The following CHN2 variants were observed in gnomAD, a reference collection of about 807,000 sequenced individuals.
CHN2 encodes the protein beta-chimaerin.
Under a neutral mutation model 56.3 loss-of-function variants are expected in CHN2, and 35 were observed. That is an observed-to-expected ratio of 0.62 (90% confidence interval 0.47 to 0.82). CHN2 has a LOEUF of 0.82. Ranked by LOEUF, CHN2 falls within the 40% of genes least tolerant of loss-of-function variation. CHN2 has a pLI of 0.00. For missense variants in CHN2, 491 were observed against 580.5 expected, an observed-to-expected ratio of 0.85 and a Z score of 1.58; for synonymous variants, 210 against 212.8, an observed-to-expected ratio of 0.99 and a Z score of 0.12.
At chr7:29,425,928 G>C (rs184656125) in intron 6 of CHN2, among the ~76,000 whole-genome samples, 1 of 152,014 alleles carries the variant, frequency 6.6e-6, no homozygotes, top group African/African-American at 2.4e-5. Flanking sequence ...AGTGGACTGT[G>C]GGCCGGGTGT....
chr7:29,441,891 A>G (rs893685903), intron 6 of CHN2, among the ~76,000 whole-genome samples: 6 of 152,188 alleles, frequency 3.9e-5, no homozygotes, highest in African/African-American at 1.4e-4. Flanking sequence ...ACAAATTTAA[A>G]AGTAGAATAC....
chr7:29,275,442 G>A (rs1479039012), intron 1 of CHN2, among the ~76,000 whole-genome samples: 1 of 152,162 alleles, frequency 6.6e-6, no homozygotes, highest in Non-Finnish European at 1.5e-5. Flanking sequence ...GTACCTGAGT[G>A]TTTTCCCACA....
intron 12 of CHN2, 140 bp downstream of exon 12, chr7:29,509,546 T>C (rs1791027850): frequency 1.6e-6 from 1 of 627,130 alleles, no homozygotes; most frequent in African/African-American, 1.8e-5. Flanking sequence ...TTTCAGTGTA[T>C]CATCCCTATG....
At chr7:29,369,120 T>A (rs1169391397) in intron 3 of CHN2, among the ~76,000 whole-genome samples, 1 of 152,214 alleles carries the variant, frequency 6.6e-6, no homozygotes, top group South Asian at 2.1e-4. Flanking sequence ...TAGGTAAATA[T>A]AAATTTTTGA....
chr7:29,440,560 A>G (rs1783561712), intron 6 of CHN2, among the ~76,000 whole-genome samples: 1 of 151,946 alleles, frequency 6.6e-6, no homozygotes, highest in South Asian at 2.1e-4. Flanking sequence ...GCGTGGTGGC[A>G]CATGCCTGTA....
At chr7:29,164,389 A>G (rs552570307) in intron 2 of CHN2, among the ~76,000 whole-genome samples, 20 of 152,118 alleles carry the variant, frequency 1.3e-4, no homozygotes, top group African/African-American at 4.8e-4. Flanking sequence ...TAAAATGCAA[A>G]CCCTTCATAA....
At chr7:29,166,816 A>G (rs997417567) in intron 2 of CHN2, among the ~76,000 whole-genome samples, 2 of 152,010 alleles carry the variant, frequency 1.3e-5, no homozygotes, top group African/African-American at 4.8e-5. Flanking sequence ...TTTTATTCCA[A>G]TGATATTCTC....
At chr7:29,448,389 C>T (rs1454789175) in intron 6 of CHN2, among the ~76,000 whole-genome samples, 1 of 152,080 alleles carries the variant, frequency 6.6e-6, no homozygotes, top group Non-Finnish European at 1.5e-5. Flanking sequence ...CTGAAGACTT[C>T]TAAACTCCAC....
intron 1 of CHN2, among the ~76,000 whole-genome samples, chr7:29,277,154 C>T (rs1420535098): frequency 6.6e-6 from 1 of 152,182 alleles, no homozygotes; most frequent in Non-Finnish European, 1.5e-5. Flanking sequence ...CTGTGAAATG[C>T]AGGGACCCTC....
At chr7:29,425,948 C>A (rs554105744) in intron 6 of CHN2, among the ~76,000 whole-genome samples, 1 of 152,094 alleles carries the variant, frequency 6.6e-6, no homozygotes, top group African/African-American at 2.4e-5. Context: ...TGGTAGCTTA[C>A]ACCTGTAATC....
At chr7:29,398,602 T>C in intron 5 of CHN2, 116 bp downstream of exon 5, 1 of 677,546 alleles carries the variant, frequency 1.5e-6, no homozygotes, top group South Asian at 1.8e-5. Context: ...ATTTTTCCCA[T>C]GTTTATGTTA....
chr7:29,451,827 A>G (rs745357810), intron 6 of CHN2, among the ~76,000 whole-genome samples: 6 of 152,178 alleles, frequency 3.9e-5, no homozygotes, highest in African/African-American at 1.2e-4. Context: ...GCCCAAACCC[A>G]GAGCTTGTGT....
At chr7:29,221,407 A>G (rs1785781140) in intron 1 of CHN2, among the ~76,000 whole-genome samples, 1 of 152,224 alleles carries the variant, frequency 6.6e-6, no homozygotes, top group Non-Finnish European at 1.5e-5. Context: ...ATTTTAAACC[A>G]TAATTTATAG....
chr7:29,357,394 C>T (rs895453498), intron 2 of CHN2, among the ~76,000 whole-genome samples: 2 of 152,170 alleles, frequency 1.3e-5, no homozygotes, highest in African/African-American at 4.8e-5. Flanking sequence ...CTCTTTTGGT[C>T]ATCCTGGATC....
intron 7 of CHN2, among the ~76,000 whole-genome samples, chr7:29,490,762 C>T (rs866386114): frequency 1.3e-5 from 2 of 152,196 alleles, no homozygotes; most frequent in East Asian, 3.9e-4. Flanking sequence ...GGCTTTGGCT[C>T]TCTATTTGAA....
At chr7:29,225,837 G>T in intron 1 of CHN2, among the ~76,000 whole-genome samples, 1 of 152,140 alleles carries the variant, frequency 6.6e-6, no homozygotes, top group Admixed American at 6.5e-5. Flanking sequence ...GTTAGTCACT[G>T]AGCATTACTG....
chr7:29,363,850 A>G (rs1377840755), intron 2 of CHN2, among the ~76,000 whole-genome samples: 1 of 152,130 alleles, frequency 6.6e-6, no homozygotes, highest in African/African-American at 2.4e-5. Flanking sequence ...AAGGAACAGT[A>G]ACTGCAAAAG....
chr7:29,289,615 A>G (rs1792427373), intron 1 of CHN2, among the ~76,000 whole-genome samples: 5 of 152,174 alleles, frequency 3.3e-5, no homozygotes, highest in Admixed American at 6.5e-5. Flanking sequence ...TGGAACAAGC[A>G]TTATCCTGCG....
At chr7:29,401,129 G>A in intron 6 of CHN2, 1 of 307,584 alleles carries the variant, frequency 3.3e-6, no homozygotes, top group Non-Finnish European at 6.1e-6. Flanking sequence ...TCAGCCGGGT[G>A]TGGTGGTGGG....
Sources: gnomAD v4.1 joint callset for allele counts (sites outside exome capture counted in the v4.1 genomes callset) on GRCh38, gnomAD v4.1.1 for gene constraint, MANE v1.5 for transcripts, NCBI Gene and HGNC (gene_info 2026-07-23, HGNC 2026-07-21) for gene names.